The following TXNDC11 variants were observed in gnomAD, a reference collection of about 807,000 sequenced individuals.
The protein encoded by TXNDC11 is thioredoxin domain-containing protein 11.
TXNDC11 carries 68 observed loss-of-function variants against 78.0 expected under a neutral mutation model. That is an observed-to-expected ratio of 0.87 (90% CI 0.72 to 1.07). TXNDC11 has a LOEUF of 1.07. Among genes scored for constraint, TXNDC11 ranks in the 50% least tolerant of loss-of-function variants. TXNDC11 has a pLI of 0.00. For synonymous variants in TXNDC11, 571 were observed against 495.2 expected (o/e 1.15, Z -2.03); for missense variants, 1,389 against 1,221.8 (o/e 1.14, Z -2.04).
chr16:11,719,949 G>T (rs963642471), intron 5 of TXNDC11, among the ~76,000 whole-genome samples: 3 of 152,192 alleles, frequency 2.0e-5, no homozygotes, highest in Non-Finnish European at 4.4e-5. Context: ...CCAGGAAGAA[G>T]GACTAGCATA....
At chr16:11,682,468 C>G (rs1245321542) in intron 11 of TXNDC11, among the ~76,000 whole-genome samples, 1 of 152,210 alleles carries the variant, frequency 6.6e-6, no homozygotes, top group Non-Finnish European at 1.5e-5. Flanking sequence ...AGCCTAAGAA[C>G]GAAGGTCACT....
Position 11,691,581 on chromosome 16 carries a change from G to C in TXNDC11, c.1609C>G (p.Leu537Val), listed in dbSNP as rs1316700369. ...FEAPTVAFSSLEKKCEVDAPS... is the reference protein window; with the variant it reads ...FEAPTVAFSSVEKKCEVDAPS... ...GCATCAACCTCACATTTCTTCTCAAGGGAAGAAAATGCAACAGTAGGGGCT... is the reference window on the plus strand; with the variant it reads ...GCATCAACCTCACATTTCTTCTCAACGGAAGAAAATGCAACAGTAGGGGCT... The change falls in exon 8 of 12, where the codon CTT becomes GTT. Residue 537 changes from leucine (L) to valine (V), a missense_variant. By Grantham distance (32) the Leu-to-Val change is conservative (BLOSUM62 1). Transcript: ENST00000283033. The C allele has an allele frequency of 1.2e-6, 2 of 1,614,178 alleles. No individual in the cohort carries two copies. The highest frequency in any genetic ancestry group is 8.5e-7 in the Non-Finnish European group (1 of 1,180,030).
chr16:11,721,233 G>C, intron 5 of TXNDC11: 1 of 184,026 alleles, frequency 5.4e-6, no homozygotes, highest in Non-Finnish European at 1.2e-5. Context: ...GACGTCAGGA[G>C]TTCGAGACCA....
chr16:11,736,745 T>C (rs1483499271), intron 1 of TXNDC11, among the ~76,000 whole-genome samples: 1 of 152,164 alleles, frequency 6.6e-6, no homozygotes, highest in African/African-American at 2.4e-5. Context: ...CAGGTAACAG[T>C]AACAATTAAA....
intron 8 of TXNDC11, chr16:11,690,063 C>T (rs1425884901): frequency 6.6e-6 from 1 of 152,190 alleles, no homozygotes; most frequent in African/African-American, 2.4e-5. Flanking sequence ...GCTAAAAAGA[C>T]TCATATGTAG....
At chr16:11,705,128 C>T (rs547442351) in intron 5 of TXNDC11, among the ~76,000 whole-genome samples, 2 of 152,110 alleles carry the variant, frequency 1.3e-5, no homozygotes, top group African/African-American at 4.8e-5. Context: ...AACTCCTAAC[C>T]TCAAGTGATC....
At chr16:11,689,072 C>T (rs2050640359) in intron 8 of TXNDC11, among the ~76,000 whole-genome samples, 1 of 148,966 alleles carries the variant, frequency 6.7e-6, no homozygotes, top group Non-Finnish European at 1.5e-5. Context: ...TGAAACAATA[C>T]TAATTTGAAT....
chr16:11,696,617 C>T (rs369624872), intron 7 of TXNDC11, among the ~76,000 whole-genome samples: 3 of 152,206 alleles, frequency 2.0e-5, no homozygotes, highest in Non-Finnish European at 4.4e-5. Flanking sequence ...GATGCCACCT[C>T]GTGTTCGGTC....
chr16:11,717,714 G>A (rs1029963629), intron 5 of TXNDC11, among the ~76,000 whole-genome samples: 3 of 151,294 alleles, frequency 2.0e-5, no homozygotes, highest in Admixed American at 1.3e-4. Context: ...CCAGCTACTC[G>A]GGAGGCTGAG....
chr16:11,696,342 C>T (rs1435619892), intron 7 of TXNDC11, among the ~76,000 whole-genome samples: 4 of 152,220 alleles, frequency 2.6e-5, no homozygotes, highest in Admixed American at 6.5e-5. Flanking sequence ...CCCGGAACCC[C>T]GCTTTCTGAG....
At chr16:11,699,717 G>A (rs548835843) in intron 6 of TXNDC11, among the ~76,000 whole-genome samples, 47 of 152,362 alleles carry the variant, frequency 3.1e-4, no homozygotes, top group African/African-American at 1.0e-3. Context: ...CAAGGGGGGC[G>A]CAGGTTTTAA....
At chr16:11,701,264 G>A (rs1027487085) in intron 5 of TXNDC11, among the ~76,000 whole-genome samples, 2 of 149,816 alleles carry the variant, frequency 1.3e-5, no homozygotes, top group African/African-American at 2.5e-5. Flanking sequence ...AGCCTCCCAA[G>A]TAGCTGCAAT....
intron 1 of TXNDC11, 40 bp downstream of exon 1, chr16:11,742,437 G>C: frequency 7.4e-7 from 1 of 1,360,308 alleles, no homozygotes; most frequent in South Asian, 1.7e-5. Flanking sequence ...CAGAGCAAGG[G>C]GAGCGCCCTA....
chr16:11,703,813 T>G (rs1267257842), intron 5 of TXNDC11: 2 of 687,064 alleles, frequency 2.9e-6, no homozygotes, highest in African/African-American at 3.5e-5. Flanking sequence ...AGAAGTGGGC[T>G]GGGCATGGTG....
At chr16:11,681,219 G>A (rs941570714) in intron 11 of TXNDC11, among the ~76,000 whole-genome samples, 2 of 152,134 alleles carry the variant, frequency 1.3e-5, no homozygotes, top group Non-Finnish European at 2.9e-5. Flanking sequence ...ACACATCGTG[G>A]CCCTGTCAAG....
intron 1 of TXNDC11, among the ~76,000 whole-genome samples, chr16:11,740,068 C>T (rs2052347027): frequency 6.6e-6 from 1 of 151,292 alleles, no homozygotes; most frequent in African/African-American, 2.4e-5. Context: ...TGGCACGCAC[C>T]TGTAATCCCA....
At chr16:11,696,624 G>A (rs750244604) in intron 7 of TXNDC11, among the ~76,000 whole-genome samples, 24 of 152,134 alleles carry the variant, frequency 1.6e-4, no homozygotes, top group Admixed American at 2.6e-4. Context: ...CCTCGTGTTC[G>A]GTCATCTCAC....
rs1164086128 is a variant in TXNDC11 at position 11,742,774 on chromosome 16, G to A, written c.-44C>T. On this transcript the variant is annotated 5_prime_UTR_variant, in exon 1 of 12. Coordinates refer to ENST00000283033, the MANE Select transcript of TXNDC11 (RefSeq NM_015914.7). ...GGCTTTATACCGCCGCCGCCGCCTC[G>A]GGCCCGAAGGCCCGGCCCGGCCCGT... 2.1e-6 allele frequency: 3 copies of A among 1,415,174 alleles called. No homozygotes were observed. Among genetic ancestry groups the A allele is most frequent in the Non-Finnish European group, 2.7e-6 (3 of 1,091,272 alleles). The allele number at this position is 1,415,174 out of a possible 1,614,324, so 87.7% of individuals were successfully genotyped here.
At chr16:11,739,593 G>C (rs868035919) in intron 1 of TXNDC11, among the ~76,000 whole-genome samples, 1 of 152,100 alleles carries the variant, frequency 6.6e-6, no homozygotes, top group Non-Finnish European at 1.5e-5. Flanking sequence ...TCCTTGCAAA[G>C]ACCATTCGAG....
Sources: gnomAD v4.1 joint callset for allele counts (sites outside exome capture counted in the v4.1 genomes callset) on GRCh38, gnomAD v4.1.1 for gene constraint, MANE v1.5 for transcripts, NCBI Gene and HGNC (gene_info 2026-07-23, HGNC 2026-07-21) for gene names.